PPM1E: variants seen among roughly 807,000 people sequenced by gnomAD.
PPM1E encodes protein phosphatase 1E.
A neutral mutation model predicts 65.9 loss-of-function variants in PPM1E; 20 were observed. The ratio of observed to expected loss-of-function variants is 0.30; its 90% CI spans 0.21 to 0.44. The LOEUF is 0.44. PPM1E is among the 20% of genes least tolerant of loss of function. PPM1E has a pLI of 1.00. For missense variants in PPM1E, 713 were observed against 953.1 expected, an observed-to-expected ratio of 0.75 and a Z score of 3.32; for synonymous variants, 352 against 374.9, an observed-to-expected ratio of 0.94 and a Z score of 0.70.
At chr17:58,973,028 G>A in intron 6 of PPM1E, 103 bp downstream of exon 6, 1 of 710,682 alleles carries the variant, frequency 1.4e-6, no homozygotes, top group Non-Finnish European at 2.4e-6. Flanking sequence ...TATGTTACCA[G>A]AATGCTTATT....
chr17:58,758,699 T>G (rs2049793632), intron 1 of PPM1E, among the ~76,000 whole-genome samples: 1 of 152,210 alleles, frequency 6.6e-6, no homozygotes, highest in South Asian at 2.1e-4. Flanking sequence ...TATTGTGTTT[T>G]GTACAGAAGT....
intron 1 of PPM1E, among the ~76,000 whole-genome samples, chr17:58,952,316 T>C (rs1831250418): frequency 6.6e-6 from 1 of 152,316 alleles, no homozygotes; most frequent in Middle Eastern, 3.4e-3. Flanking sequence ...CACATGTGCA[T>C]GGCTGCCCAG....
At chr17:58,860,470 C>G (rs1242129317) in intron 1 of PPM1E, among the ~76,000 whole-genome samples, 3 of 152,156 alleles carry the variant, frequency 2.0e-5, no homozygotes. Context: ...GGCCATGTAT[C>G]TTCAGTTTGC....
chr17:58,916,737 C>T (rs2051687647), intron 1 of PPM1E, among the ~76,000 whole-genome samples: 1 of 152,142 alleles, frequency 6.6e-6, no homozygotes, highest in African/African-American at 2.4e-5. Flanking sequence ...TGGTTCCTTC[C>T]AATTCTATGA....
intron 1 of PPM1E, among the ~76,000 whole-genome samples, chr17:58,900,867 C>G (rs536007639): frequency 7.2e-5 from 11 of 152,130 alleles, no homozygotes; most frequent in South Asian, 2.1e-4. Context: ...TCATCTTGAA[C>G]TTTATTCTAT....
intron 1 of PPM1E, among the ~76,000 whole-genome samples, chr17:58,843,291 A>C (rs2050738562): frequency 6.6e-6 from 1 of 150,512 alleles, no homozygotes; most frequent in Non-Finnish European, 1.5e-5. Context: ...GCACCACGGC[A>C]CTCCAGCCTG....
chr17:58,961,200 G>C (rs1370399267), intron 2 of PPM1E, among the ~76,000 whole-genome samples: 3 of 152,196 alleles, frequency 2.0e-5, no homozygotes, highest in Non-Finnish European at 2.9e-5. Context: ...GCTGAGATGA[G>C]TGAAGCAGAA....
At chr17:58,793,596 T>C (rs1275477444) in intron 1 of PPM1E, among the ~76,000 whole-genome samples, 1 of 151,912 alleles carries the variant, frequency 6.6e-6, no homozygotes, top group Admixed American at 6.6e-5. Flanking sequence ...GACCTGGTGA[T>C]CCGCCTGCCT....
chr17:58,940,887 T>C (rs1457162485), intron 1 of PPM1E, among the ~76,000 whole-genome samples: 2 of 152,170 alleles, frequency 1.3e-5, no homozygotes, highest in Non-Finnish European at 2.9e-5. Context: ...ATTTTTGTAT[T>C]TTTAGTAGAG....
At position 58,966,204 on chromosome 17, in the gene PPM1E, A is replaced by C. The variant is rs143341433; in HGVS notation, c.783+311A>C. On this transcript the variant is annotated intron_variant, in intron 3 of 6. Coordinates refer to ENST00000308249, the MANE Select transcript of PPM1E (RefSeq NM_014906.5). ...GTGTCACCTTCCAGAGCTATTCTAT[A>C]AACATATAAGCAAAAAAGAAAATGA... 1.0e-3 allele frequency: 417 copies of C among 406,782 alleles called. 4 individuals are homozygous for C. The highest frequency in any genetic ancestry group is 7.9e-3 in the African/African-American group (384 of 48,514). The allele number at this position is 406,782 out of a possible 1,614,324, so 25.2% of individuals were successfully genotyped here.
chr17:58,768,691 CAG>C (rs2049906744), intron 1 of PPM1E, among the ~76,000 whole-genome samples: 1 of 151,976 alleles, frequency 6.6e-6, no homozygotes, highest in South Asian at 2.1e-4. Context: ...TTTTTTGAGA[CAG>C]AGTTTCACTC....
chr17:58,878,075 A>G (rs2143375273), intron 1 of PPM1E, among the ~76,000 whole-genome samples: 1 of 152,326 alleles, frequency 6.6e-6, no homozygotes, highest in Middle Eastern at 3.4e-3. Flanking sequence ...TCTTGTGACT[A>G]AACTTCCAAA....
chr17:58,839,598 T>C (rs572122338), intron 1 of PPM1E, among the ~76,000 whole-genome samples: 1 of 152,354 alleles, frequency 6.6e-6, no homozygotes, highest in South Asian at 2.1e-4. Flanking sequence ...GCTATACTTG[T>C]ATACTAACAT....
chr17:58,824,770 TG>T (rs2050515964), intron 1 of PPM1E, among the ~76,000 whole-genome samples: 3 of 128,618 alleles, frequency 2.3e-5, no homozygotes, highest in African/African-American at 7.8e-5. Flanking sequence ...TTGTATTTTT[TG>T]TATTTTTTTT....
intron 1 of PPM1E, among the ~76,000 whole-genome samples, chr17:58,766,632 C>G (rs7218865): frequency 0.01 from 1,554 of 148,934 alleles, 27 homozygotes; most frequent in African/African-American, 0.036. Flanking sequence ...CACACACACA[C>G]AGTAAAAAAT....
chr17:58,977,942 CATG>C (rs1329359726), intron 6 of PPM1E, among the ~76,000 whole-genome samples: 1 of 152,184 alleles, frequency 6.6e-6, no homozygotes, highest in African/African-American at 2.4e-5. Context: ...AAGGTTTCAC[CATG>C]ATGGCCAGGC....
At chr17:58,933,968 G>A (rs1326573028) in intron 1 of PPM1E, among the ~76,000 whole-genome samples, 5 of 151,738 alleles carry the variant, frequency 3.3e-5, no homozygotes, top group South Asian at 2.1e-4. Context: ...GGCGGCACGC[G>A]CCTGTAATCC....
At chr17:58,778,779 C>G (rs936972145) in intron 1 of PPM1E, among the ~76,000 whole-genome samples, 5 of 151,734 alleles carry the variant, frequency 3.3e-5, no homozygotes, top group African/African-American at 1.2e-4. Flanking sequence ...AGATACAAGC[C>G]ATATGCTCAT....
chr17:58,946,074 G>A (rs2052146480), intron 1 of PPM1E, among the ~76,000 whole-genome samples: 1 of 152,152 alleles, frequency 6.6e-6, no homozygotes, highest in African/African-American at 2.4e-5. Context: ...TCTTTCTGAT[G>A]CCCAGTTGCC....
Sources: allele counts gnomAD v4.1 joint callset (sites outside exome capture counted in the v4.1 genomes callset), GRCh38; gene constraint gnomAD v4.1.1; transcripts MANE v1.5; gene names NCBI Gene and HGNC (gene_info 2026-07-23, HGNC 2026-07-21).